Variants in PBX1 observed in about 807,000 individuals in gnomAD.
PBX1 encodes pre-B-cell leukemia transcription factor 1.
In PBX1, 6 loss-of-function variants were observed where a neutral mutation model predicts 53.4. That is an observed-to-expected ratio of 0.11 (90% CI 0.06 to 0.22). PBX1 has a LOEUF of 0.22. Ranked by LOEUF, PBX1 falls within the 10% of genes least tolerant of loss-of-function variation. The probability of loss-of-function intolerance (pLI) is 1.00; values close to 1 mark genes in which losing one functional copy is unlikely to be tolerated. For synonymous variants in PBX1, 204 were observed against 212.3 expected (o/e 0.96, Z 0.34); for missense variants, 251 against 551.4 (o/e 0.46, Z 5.46).
At chr1:164,720,294 T>G (rs1664332741) in intron 2 of PBX1, among the ~76,000 whole-genome samples, 1 of 152,144 alleles carries the variant, frequency 6.6e-6, no homozygotes, top group Non-Finnish European at 1.5e-5. Flanking sequence ...ACAGGCAATT[T>G]TGTGGATATC....
chr1:164,704,843 G>A (rs1301662114), intron 2 of PBX1, among the ~76,000 whole-genome samples: 2 of 152,150 alleles, frequency 1.3e-5, no homozygotes, highest in East Asian at 3.9e-4. Flanking sequence ...TATAATGCAA[G>A]TACAAGTGTT....
intron 2 of PBX1, among the ~76,000 whole-genome samples, chr1:164,629,534 G>A (rs1658272916): frequency 6.6e-6 from 1 of 152,186 alleles, no homozygotes; most frequent in Non-Finnish European, 1.5e-5. Flanking sequence ...TAGGGAAACT[G>A]AGACCCAAAG....
chr1:164,750,567 A>C (rs1208520751), intron 2 of PBX1, among the ~76,000 whole-genome samples: 6 of 152,176 alleles, frequency 3.9e-5, no homozygotes, highest in Admixed American at 3.9e-4. Context: ...TTTATCTGAA[A>C]CATTCTGATA....
In PBX1 at chr1:164,754,148, A is replaced by G. The variant is rs74121212; in HGVS notation, c.266-38346A>G. On this transcript the variant is annotated intron_variant, in intron 2 of 8. Transcript: ENST00000420696. Reference sequence around the variant, plus strand: ...GTGTGTGCCCACTGCCCTGCTGCCTATGTGCCCGGCTGGTGTGTGGACGGG... The same window carrying G: ...GTGTGTGCCCACTGCCCTGCTGCCTGTGTGCCCGGCTGGTGTGTGGACGGG... Among the ~76,000 whole-genome samples, 286 of 152,254 alleles carry G rather than the reference A, an allele frequency of 1.9e-3. 2 individuals are homozygous for G. The highest frequency in any genetic ancestry group is 6.4e-3 in the African/African-American group (265 of 41,544).
chr1:164,801,714 C>T (rs1209488346), intron 4 of PBX1, among the ~76,000 whole-genome samples: 3 of 152,172 alleles, frequency 2.0e-5, no homozygotes, highest in African/African-American at 4.8e-5. Context: ...CTTTTTCTTG[C>T]TTTGGTTACA....
chr1:164,621,001 A>C (rs1657637652), intron 2 of PBX1, among the ~76,000 whole-genome samples: 1 of 140,656 alleles, frequency 7.1e-6, no homozygotes, highest in Admixed American at 7.3e-5. Context: ...AAATTAATTA[A>C]TTTTTTGAGA....
intron 2 of PBX1, chr1:164,884,590 A>C (rs759260503): frequency 7.8e-6 from 4 of 515,342 alleles, no homozygotes; most frequent in Non-Finnish European, 1.5e-5. Flanking sequence ...TGGTGACAGC[A>C]AGTCCTCTTC....
At chr1:164,811,844 G>A in intron 5 of PBX1, 146 bp from the exon 6 acceptor site, 1 of 458,508 alleles carries the variant, frequency 2.2e-6, no homozygotes, top group South Asian at 6.3e-5. Context: ...TCTTACTTCA[G>A]ATCTTTTTAC....
rs1370420984 is a variant in PBX1, at chr1:164,851,387, AAAT to A, written c.*4715_*4717del. 4.9e-6 allele frequency: 1 copy of A among 204,428 alleles called. No individual in the cohort carries two copies. Among genetic ancestry groups the A allele is most frequent in the Non-Finnish European group, 1.0e-5 (1 of 99,862 alleles). The allele number at this position is 204,428 out of a possible 1,614,324, so 12.7% of individuals were successfully genotyped here. On this transcript the variant is annotated 3_prime_UTR_variant, in exon 9 of 9. Coordinates refer to ENST00000420696, the MANE Select transcript of PBX1 (RefSeq NM_002585.4). ...CACTTGTACTCTTGAAGTCACAACA[AAAT>A]AATGATGAGCTTTTCACATCACCTT... is the stretch of plus-strand genomic sequence containing the variant.
chr1:164,711,172 G>T (rs1345628339), intron 2 of PBX1, among the ~76,000 whole-genome samples: 1 of 152,190 alleles, frequency 6.6e-6, no homozygotes, highest in Non-Finnish European at 1.5e-5. Context: ...TGTACCAACA[G>T]CAGTGAACCA....
intron 8 of PBX1, among the ~76,000 whole-genome samples, chr1:164,840,942 GCCA>G (rs1671259017): frequency 6.6e-6 from 1 of 152,100 alleles, no homozygotes; most frequent in African/African-American, 2.4e-5. Context: ...ATGTCACAGT[GCCA>G]CCAAGTGTTT....
At chr1:164,651,682 C>CAG (rs748833929) in intron 2 of PBX1, among the ~76,000 whole-genome samples, 3 of 152,078 alleles carry the variant, frequency 2.0e-5, no homozygotes, top group African/African-American at 7.2e-5. Context: ...GGGAATGAGA[C>CAG]AGAGAGGAGC....
chr1:164,821,587 A>C lies in PBX1; in HGVS notation c.1161A>C (p.Gly387=). Residue 387 remains glycine, a synonymous_variant, in exon 8 of 9, where the codon GGA becomes GGC. Coordinates refer to ENST00000420696, the MANE Select transcript of PBX1 (RefSeq NM_002585.4). ...VISQTGGYSD[G]LAASQMYSPQ... ...GCCAGACAGGAGGATACAGTGATGG[A>C]CTCGCAGCCAGTCAGATGTACAGTC... 6.2e-7 allele frequency: 1 copy of C among 1,614,022 alleles called. No homozygotes were observed. The highest frequency in any genetic ancestry group is 1.1e-5 in the South Asian group (1 of 91,078).
intron 2 of PBX1, chr1:164,884,563 T>C: frequency 1.9e-6 from 1 of 516,480 alleles, no homozygotes; most frequent in Non-Finnish European, 3.8e-6. Flanking sequence ...AACCTATTGA[T>C]GGCTTGGATG....
chr1:164,871,382 T>C (rs1019909606), intron 2 of PBX1, among the ~76,000 whole-genome samples: 4 of 152,206 alleles, frequency 2.6e-5, no homozygotes, highest in Admixed American at 6.5e-5. Flanking sequence ...CTCCAACTTA[T>C]TGGCCCAATA....
At chr1:164,594,090 C>T (rs1655589797) in intron 2 of PBX1, among the ~76,000 whole-genome samples, 1 of 152,136 alleles carries the variant, frequency 6.6e-6, no homozygotes, top group African/African-American at 2.4e-5. Flanking sequence ...AATTTCATGT[C>T]ACTTTCCTAT....
intron 2 of PBX1, among the ~76,000 whole-genome samples, chr1:164,767,899 T>C (rs1371897473): frequency 1.3e-5 from 2 of 151,962 alleles, no homozygotes; most frequent in Non-Finnish European, 2.9e-5. Flanking sequence ...GGTATTTAAA[T>C]AGAACAAGAT....
At chr1:164,835,293 A>G (rs982875215) in intron 8 of PBX1, among the ~76,000 whole-genome samples, 3 of 149,846 alleles carry the variant, frequency 2.0e-5, no homozygotes, top group Non-Finnish European at 4.4e-5. Flanking sequence ...GCTTTATAGT[A>G]CAGAACATTT....
chr1:164,767,104 C>G (rs911440534), intron 2 of PBX1, among the ~76,000 whole-genome samples: 5 of 151,998 alleles, frequency 3.3e-5, no homozygotes, highest in African/African-American at 1.2e-4. Context: ...GGACCTATTG[C>G]AAAAGAGAAT....
Sources: gnomAD v4.1 joint callset for allele counts (sites outside exome capture counted in the v4.1 genomes callset) on GRCh38, gnomAD v4.1.1 for gene constraint, MANE v1.5 for transcripts, NCBI Gene and HGNC (gene_info 2026-07-23, HGNC 2026-07-21) for gene names.